PCDHGA3: variants seen among roughly 807,000 people sequenced by gnomAD.
PCDHGA3 encodes the protein protocadherin gamma subfamily A, 3.
PCDHGA3 carries 40 observed loss-of-function variants against 58.5 expected under a neutral mutation model. The ratio of observed to expected loss-of-function variants is 0.68; its 90% CI spans 0.53 to 0.89. The LOEUF is 0.89. Among genes scored for constraint, PCDHGA3 ranks in the 40% least tolerant of loss-of-function variants. The probability of loss-of-function intolerance (pLI) is 0.00; values close to 1 mark genes in which losing one functional copy is unlikely to be tolerated. For missense variants in PCDHGA3, 1,223 were observed against 1,195.9 expected (o/e 1.02, Z -0.33); for synonymous variants, 530 against 525.7 (o/e 1.01, Z -0.11).
chr5:141,507,554 A>C (rs1384910590), intron 3 of PCDHGA3, among the ~76,000 whole-genome samples: 2 of 152,258 alleles, frequency 1.3e-5, no homozygotes, highest in African/African-American at 4.8e-5. Context: ...TGAAAGTGGC[A>C]GGCGGCTGGG....
chr5:141,391,847 A>T (rs1478301262), intron 1 of PCDHGA3: 1 of 152,232 alleles, frequency 6.6e-6, no homozygotes, highest in Non-Finnish European at 1.5e-5. Context: ...TGTAAAAGTC[A>T]AGTCTGCTTT....
At position 141,356,674 on chromosome 5, in the gene PCDHGA3, G is replaced by T. The variant is rs182109278; in HGVS notation, c.2424+10217G>T. On this transcript the variant is annotated intron_variant, in intron 1 of 3. Transcript: ENST00000253812. ...CAATGCCCGAATCACTTACTCCCTG[G>T]CCGAAGACACCTTCCAGGGTGCACC... 76 of 1,613,934 alleles carry T rather than the reference G, an allele frequency of 4.7e-5. No individual in the cohort carries two copies. The East Asian group carries it at 1.6e-3, about 34-fold the overall frequency.
At position 141,505,479 on chromosome 5, in the gene PCDHGA3, G is replaced by A; in HGVS notation, c.2570G>A (p.Ser857Asn). 1 of 1,614,228 alleles carries A rather than the reference G, an allele frequency of 6.2e-7. No homozygotes were observed. The highest frequency in any genetic ancestry group is 8.5e-7 in the Non-Finnish European group (1 of 1,180,018). Residue 857 changes from serine to asparagine, a missense_variant and splice_region_variant, in exon 3 of 4, where the codon AGT (serine) becomes AAT (asparagine). Ser to Asn is a conservative substitution (Grantham distance 46, BLOSUM62 1). Coordinates refer to ENST00000253812, the MANE Select transcript of PCDHGA3 (RefSeq NM_018916.4). Reference sequence around the variant, plus strand: ...CAAGCCATGATCTTGGCGTCCGCCAGTGGTAAGTGGTGTCAGTGTGTGTAT... The same window carrying A: ...CAAGCCATGATCTTGGCGTCCGCCAATGGTAAGTGGTGTCAGTGTGTGTAT... Reference protein sequence around the residue: ...MLQAMILASASEAADGSSTLG... With the variant: ...MLQAMILASANEAADGSSTLG...
intron 1 of PCDHGA3, among the ~76,000 whole-genome samples, chr5:141,445,948 G>A (rs538607380): frequency 6.6e-6 from 1 of 152,236 alleles, no homozygotes; most frequent in South Asian, 2.1e-4. Flanking sequence ...GCTTACTCTG[G>A]CTGCTATATG....
intron 1 of PCDHGA3, among the ~76,000 whole-genome samples, chr5:141,453,293 T>TTATG: frequency 6.6e-6 from 1 of 151,872 alleles, no homozygotes; most frequent in Non-Finnish European, 1.5e-5. Flanking sequence ...TTTTAATTAT[T>TTATG]TATTTATTTA....
At chr5:141,484,912 T>G (rs1594427765) in intron 1 of PCDHGA3, 1 of 437,066 alleles carries the variant, frequency 2.3e-6, no homozygotes, top group East Asian at 4.0e-5. Flanking sequence ...TGCGACGCAT[T>G]AACCCTGCTG....
At position 141,477,146 on chromosome 5, in the gene PCDHGA3, G is replaced by A. The variant is rs1447966302; in HGVS notation, c.2425-17661G>A. The stretch of plus-strand genomic sequence containing the variant: ...TTGCAAAGTGTTGGTGGAGGTTGTG[G>A]ATGTGAATGACAACGCCCCGGAGAT... On this transcript the variant is annotated intron_variant, in intron 1 of 3. Coordinates refer to ENST00000253812, the MANE Select transcript of PCDHGA3 (RefSeq NM_018916.4). This position sits in a 1 kb window ranked among gnomAD's most constrained non-coding sequence, Gnocchi z 4.9. 1 of 1,614,182 alleles carries A rather than the reference G, an allele frequency of 6.2e-7. No homozygotes were observed. The highest frequency in any genetic ancestry group is 8.5e-7 in the Non-Finnish European group (1 of 1,180,044).
Position 141,423,176 on chromosome 5 carries a change from A to C in PCDHGA3, c.2425-71631A>C, listed in dbSNP as rs781125798. Reference sequence around the variant, plus strand: ...AGCCTCGTGGTGGCCGTCCAGGACCACGGCCAGCCCCCTCTCTCGGCCACC... The same window carrying C: ...AGCCTCGTGGTGGCCGTCCAGGACCCCGGCCAGCCCCCTCTCTCGGCCACC... On this transcript the variant is annotated intron_variant, in intron 1 of 3. Transcript: ENST00000253812. 1.7e-5 allele frequency: 28 copies of C among 1,613,356 alleles called. No homozygotes were observed. In the African/African-American group the frequency reaches 3.6e-4, roughly 21 times the overall value.
At position 141,487,571 on chromosome 5, in the gene PCDHGA3, G is replaced by A; in HGVS notation, c.2425-7236G>A. The A allele has an allele frequency of 4.3e-6, 7 of 1,614,178 alleles. No individual in the cohort carries two copies. The highest frequency in any genetic ancestry group is 5.9e-6 in the Non-Finnish European group (7 of 1,180,038). On this transcript the variant is annotated intron_variant, in intron 1 of 3. Coordinates refer to ENST00000253812, the MANE Select transcript of PCDHGA3 (RefSeq NM_018916.4). This position sits in a 1 kb window ranked among gnomAD's most constrained non-coding sequence, Gnocchi z 5.0. ...CAGTGCACCTATGGCAGGGGAGCCTGTTCGCCCAAGCTGCCCACCCTCTGA... is the reference window on the plus strand; with the variant it reads ...CAGTGCACCTATGGCAGGGGAGCCTATTCGCCCAAGCTGCCCACCCTCTGA...
Position 141,487,931 on chromosome 5 carries a change from G to A in PCDHGA3, c.2425-6876G>A. The stretch of plus-strand genomic sequence containing the variant: ...AGCACAGGAGGCTACAGTGCACAGG[G>A]TACAGTGCACCAGGCAGTCACTTGG... On this transcript the variant is annotated intron_variant, in intron 1 of 3. Transcript: ENST00000253812. The surrounding 1 kb of genome is among the most constrained non-coding windows in gnomAD (Gnocchi z 5.0). The A allele has an allele frequency of 1.6e-6, 1 of 612,954 alleles. No homozygotes were observed. The highest frequency in any genetic ancestry group is 2.8e-6 in the Non-Finnish European group (1 of 351,318). 38.0% of individuals were successfully genotyped at this position (612,954 alleles called of 1,614,324 possible). A position where few individuals can be genotyped will look rare whatever the true frequency, so the allele number is the denominator to read the frequency against.
chr5:141,371,279 C>G lies in PCDHGA3; in HGVS notation c.2424+24822C>G, dbSNP rs1206885550. ...AAGTGAGACAACTGTTCAAGCTGGA[C>G]AGTAAAACGGGGGAACTCACCACTA... On this transcript the variant is annotated intron_variant, in intron 1 of 3. Transcript: ENST00000253812. 3 of 1,613,900 alleles carry G rather than the reference C, an allele frequency of 1.9e-6. No homozygotes were observed. In the African/African-American group the frequency reaches 4.0e-5, roughly 22 times the overall value.
At chr5:141,403,594 C>A in intron 1 of PCDHGA3, 2 of 1,613,848 alleles carry the variant, frequency 1.2e-6, no homozygotes, top group Non-Finnish European at 1.7e-6. Context: ...TCCTCACGGC[C>A]TCGGATGGCG....
At chr5:141,392,921 A>T in intron 1 of PCDHGA3, 2 of 1,613,940 alleles carry the variant, frequency 1.2e-6, no homozygotes, top group Non-Finnish European at 1.7e-6. Flanking sequence ...ACTCTGTGCC[A>T]GAAGAGACGG....
intron 1 of PCDHGA3, chr5:141,410,288 T>G: frequency 6.2e-7 from 1 of 1,614,044 alleles, no homozygotes; most frequent in Non-Finnish European, 8.5e-7. Context: ...GGTGGTGGCC[T>G]TGGCCTTAAT....
chr5:141,477,432 C>T lies in PCDHGA3; in HGVS notation c.2425-17375C>T, dbSNP rs1184041591. 6.2e-7 allele frequency: 1 copy of T among 1,614,186 alleles called. No individual in the cohort carries two copies. Among genetic ancestry groups the T allele is most frequent in the Admixed American group, 1.7e-5 (1 of 60,028 alleles). ...GACGCCGGAACCCCTTCCCTCTCAG[C>T]CCTTACAATAGTGCGTGTTCAAGTG... On this transcript the variant is annotated intron_variant, in intron 1 of 3. Transcript: ENST00000253812. This position sits in a 1 kb window ranked among gnomAD's most constrained non-coding sequence, Gnocchi z 4.9.
chr5:141,428,341 C>T, intron 1 of PCDHGA3: 1 of 602,086 alleles, frequency 1.7e-6, no homozygotes, highest in Non-Finnish European at 3.0e-6. Flanking sequence ...GCTCTTCTTC[C>T]TCGCAGTGAT....
chr5:141,435,108 G>A lies in PCDHGA3; in HGVS notation c.2425-59699G>A, dbSNP rs1027955145. ...AACTGATCTGTTTATCTAGGGGGGA[G>A]AAATCTAATTCAATGGAAAATATAA... On this transcript the variant is annotated intron_variant, in intron 1 of 3. Transcript: ENST00000253812. Among the ~76,000 whole-genome samples, 3 of 152,144 alleles carry A rather than the reference G, an allele frequency of 2.0e-5. No homozygotes were observed. In the South Asian group the frequency reaches 6.2e-4, roughly 32 times the overall value.
At chr5:141,373,548 A>G (rs546721232) in intron 1 of PCDHGA3, among the ~76,000 whole-genome samples, 5 of 152,332 alleles carry the variant, frequency 3.3e-5, no homozygotes, top group African/African-American at 9.6e-5. Context: ...GGTTGTTGGT[A>G]CCCTTACTGA....
chr5:141,445,303 G>A (rs145466142), intron 1 of PCDHGA3, among the ~76,000 whole-genome samples: 327 of 152,332 alleles, frequency 2.1e-3, no homozygotes, highest in African/African-American at 7.6e-3. Context: ...ATTCTCTTCA[G>A]TTTGTAGGTT....
Sources: allele counts gnomAD v4.1 joint callset (sites outside exome capture counted in the v4.1 genomes callset), GRCh38; gene constraint gnomAD v4.1.1; non-coding constraint Gnocchi (gnomAD v3.1); transcripts MANE v1.5; gene names NCBI Gene and HGNC (gene_info 2026-07-23, HGNC 2026-07-21).